Variants in SPECC1L observed in about 807,000 individuals in gnomAD.
The protein encoded by SPECC1L is cytospin-A.
A neutral mutation model predicts 116.8 loss-of-function variants in SPECC1L; 40 were observed. That is an observed-to-expected ratio of 0.34 (90% CI 0.27 to 0.45). The LOEUF (loss-of-function observed/expected upper bound fraction) is 0.45. Among genes scored for constraint, SPECC1L ranks in the 20% least tolerant of loss-of-function variants. The probability of loss-of-function intolerance (pLI) is 1.00; values close to 1 mark genes in which losing one functional copy is unlikely to be tolerated. For synonymous variants in SPECC1L, 504 were observed against 500.6 expected (o/e 1.01, Z -0.09); for missense variants, 1,110 against 1,373.6 (o/e 0.81, Z 3.03).
At chr22:24,382,279 G>A (rs952508389) in intron 14 of SPECC1L, among the ~76,000 whole-genome samples, 3 of 152,092 alleles carry the variant, frequency 2.0e-5, no homozygotes, top group Non-Finnish European at 4.4e-5. Flanking sequence ...CTTCACATGG[G>A]GTAGAGGCCA....
At chr22:24,287,702 A>G (rs1381615998) in intron 2 of SPECC1L, among the ~76,000 whole-genome samples, 2 of 152,064 alleles carry the variant, frequency 1.3e-5, no homozygotes, top group Non-Finnish European at 2.9e-5. Context: ...CTGCTCTACC[A>G]TTTGCTTCGG....
chr22:24,382,479 C>T lies in SPECC1L; in HGVS notation c.3087+13159C>T, dbSNP rs190318035. ...CAGCACTTTGAGAGGCCGAGGCAGG[C>T]GGATCATGAGGTCAGGAGATCGAGA... On this transcript the variant is annotated intron_variant, in intron 14 of 16. Coordinates refer to ENST00000314328, the MANE Select transcript of SPECC1L (RefSeq NM_015330.6). 2.8e-3 allele frequency among the ~76,000 whole-genome samples: 432 copies of T among 152,014 alleles called. 1 individual carries two copies. The highest frequency in any genetic ancestry group is 8.8e-3 in the African/African-American group (363 of 41,468).
In SPECC1L at chr22:24,322,020, G is replaced by T; in HGVS notation, c.1040G>T (p.Ser347Ile). The T allele has an allele frequency of 6.2e-7, 1 of 1,614,220 alleles. No homozygotes were observed. Among genetic ancestry groups the T allele is most frequent in the Non-Finnish European group, 8.5e-7 (1 of 1,180,042 alleles). The change falls in exon 5 of 17, where the codon AGT becomes ATT. Residue 347 changes from serine (S) to isoleucine (I), a missense_variant. Ser to Ile is a moderately radical substitution (Grantham distance 142). This residue lies in a region of SPECC1L where 437 missense variants were observed against 482.6 expected (regional missense o/e 0.91). Coordinates refer to ENST00000314328, the MANE Select transcript of SPECC1L (RefSeq NM_015330.6). ...AGTAACTCCATGGACAATTTAGACA[G>T]TGAGTGCAGTGAGGTCTACCAGCCC... is the stretch of plus-strand genomic sequence containing the variant. The part of the protein sequence containing the change: ...QHSNSMDNLD[S>I]ECSEVYQPLT...
At chr22:24,336,665 T>C (rs1443353146) in intron 9 of SPECC1L, among the ~76,000 whole-genome samples, 1 of 152,312 alleles carries the variant, frequency 6.6e-6, no homozygotes, top group East Asian at 1.9e-4. Flanking sequence ...CTATTCAAAA[T>C]GTTAATAAAG....
At chr22:24,300,488 A>G (rs1262912553) in intron 2 of SPECC1L, among the ~76,000 whole-genome samples, 2 of 152,184 alleles carry the variant, frequency 1.3e-5, no homozygotes, top group Non-Finnish European at 2.9e-5. Flanking sequence ...TCCTTTGAGT[A>G]TATACGCAAT....
rs866489302 is a variant in SPECC1L, at chr22:24,334,588, C to T, written c.2560+15C>T. Reference sequence around the variant, plus strand: ...TGCATCTCAAGGTAATTAATTTCTCCTACATTGTGCCTACTGCATGCGGTT... The same window carrying T: ...TGCATCTCAAGGTAATTAATTTCTCTTACATTGTGCCTACTGCATGCGGTT... On this transcript the variant is annotated intron_variant, in intron 9 of 16. Coordinates refer to ENST00000314328, the MANE Select transcript of SPECC1L (RefSeq NM_015330.6). The T allele has an allele frequency of 6.2e-7, 1 of 1,613,830 alleles. No homozygotes were observed.
At chr22:24,396,442 C>T (rs553899135) in intron 14 of SPECC1L, among the ~76,000 whole-genome samples, 3 of 152,166 alleles carry the variant, frequency 2.0e-5, no homozygotes, top group Admixed American at 6.5e-5. Flanking sequence ...GGATTACAGG[C>T]GTCTGCCACC....
chr22:24,317,601 G>A (rs1352228969), intron 4 of SPECC1L, among the ~76,000 whole-genome samples: 141 of 16,100 alleles, frequency 8.8e-3, no homozygotes, highest in Admixed American at 0.013. Context: ...GCGGCTGGCC[G>A]GGCGGGGGGC....
At chr22:24,298,536 A>T (rs2049312815) in intron 2 of SPECC1L, among the ~76,000 whole-genome samples, 1 of 152,240 alleles carries the variant, frequency 6.6e-6, no homozygotes, top group Non-Finnish European at 1.5e-5. Context: ...GGCCAGCTAG[A>T]GATCCAGGAA....
At chr22:24,291,698 T>C (rs2049160002) in intron 2 of SPECC1L, among the ~76,000 whole-genome samples, 2 of 152,224 alleles carry the variant, frequency 1.3e-5, no homozygotes, top group South Asian at 2.1e-4. Context: ...CTAACCACTT[T>C]AGGCTCATTA....
rs759230674 is a variant in SPECC1L at position 24,387,389 on chromosome 22, G to A, written c.3087+18069G>A. On this transcript the variant is annotated intron_variant, in intron 14 of 16. Coordinates refer to ENST00000314328, the MANE Select transcript of SPECC1L (RefSeq NM_015330.6). ...GATGTCAGAATAGTGGTTATCTTTA[G>A]GGGAACTGAGGGATCCTTTCTGGGA... 3.1e-4 allele frequency among the ~76,000 whole-genome samples: 47 copies of A among 152,260 alleles called. 1 individual carries two copies. Among genetic ancestry groups the A allele is most frequent in the Middle Eastern group, 3.4e-3 (1 of 294 alleles).
In SPECC1L at chr22:24,324,408, C is replaced by G. The variant is rs748008686; in HGVS notation, c.2127C>G (p.Leu709=). 1.9e-6 allele frequency: 3 copies of G among 1,613,844 alleles called. No individual in the cohort carries two copies. In the South Asian group the frequency reaches 3.3e-5, roughly 18 times the overall value. The change falls in exon 6 of 17, where the codon CTC becomes CTG. Residue 709 remains leucine, a synonymous_variant. Coordinates refer to ENST00000314328, the MANE Select transcript of SPECC1L (RefSeq NM_015330.6). ...QHRAVKLHDN[L]IISDLENTVK... is the part of the protein sequence containing the mutation. ...GTGCTGTGAAACTTCATGACAACCTCATTATTTCTGATCTAGAGAGTAAGT... is the reference window on the plus strand; with the variant it reads ...GTGCTGTGAAACTTCATGACAACCTGATTATTTCTGATCTAGAGAGTAAGT...
At chr22:24,287,827 T>G (rs2049071122) in intron 2 of SPECC1L, among the ~76,000 whole-genome samples, 1 of 152,144 alleles carries the variant, frequency 6.6e-6, no homozygotes, top group Admixed American at 6.5e-5. Context: ...CCTCGGGGTT[T>G]AGTTTCTTTC....
intron 2 of SPECC1L, among the ~76,000 whole-genome samples, chr22:24,277,148 TC>T (rs958707540): frequency 2.4e-4 from 37 of 152,354 alleles, no homozygotes; most frequent in African/African-American, 8.7e-4. Flanking sequence ...TGATTTATGC[TC>T]ATTTCTTTGT....
At chr22:24,383,564 G>A (rs542664630) in intron 14 of SPECC1L, among the ~76,000 whole-genome samples, 4 of 152,242 alleles carry the variant, frequency 2.6e-5, no homozygotes, top group Admixed American at 2.0e-4. Flanking sequence ...TGAGTTTAAG[G>A]AAACAGATGA....
intron 14 of SPECC1L, among the ~76,000 whole-genome samples, chr22:24,384,755 T>C (rs974259160): frequency 3.3e-5 from 5 of 152,242 alleles, no homozygotes; most frequent in Admixed American, 2.6e-4. Flanking sequence ...ACACCAGATT[T>C]TGAAGACTTT....
intron 3 of SPECC1L, 85 bp downstream of exon 3, chr22:24,302,469 T>C (rs997604445): frequency 1.9e-5 from 29 of 1,550,522 alleles, no homozygotes; most frequent in Non-Finnish European, 2.2e-5. Context: ...TGAGCATTCT[T>C]AGGGGTGTGC....
Position 24,321,350 on chromosome 22 carries a change from G to GA in SPECC1L, c.373dup (p.Arg125LysfsTer4). On this transcript the variant is annotated frameshift_variant, in exon 5 of 17. Coordinates refer to ENST00000314328, the MANE Select transcript of SPECC1L (RefSeq NM_015330.6). LOFTEE classifies it high-confidence loss of function. ...TAATAAAGAATCCAGTTCTACTAGA[G>GA]AAAGATTACGTGAACGTACCCGATT... 4 of 1,614,232 alleles carry GA rather than the reference G, an allele frequency of 2.5e-6. No homozygotes were observed. Among genetic ancestry groups the GA allele is most frequent in the Non-Finnish European group, 3.4e-6 (4 of 1,180,040 alleles).
chr22:24,339,216 G>A (rs563768226), intron 10 of SPECC1L, among the ~76,000 whole-genome samples: 1 of 152,272 alleles, frequency 6.6e-6, no homozygotes, highest in East Asian at 1.9e-4. Context: ...CCAGCTCCAA[G>A]AGACTGAAAA....
Sources: gnomAD v4.1 joint callset for allele counts (sites outside exome capture counted in the v4.1 genomes callset) on GRCh38, gnomAD v4.1.1 for gene constraint, gnomAD v4.1.1 regional missense constraint, MANE v1.5 for transcripts, NCBI Gene and HGNC (gene_info 2026-07-23, HGNC 2026-07-21) for gene names.